The following FANCI variants were observed in gnomAD, a reference collection of about 807,000 sequenced individuals.
FANCI encodes the protein Fanconi anemia group I protein.
In FANCI, 156 loss-of-function variants were observed where a neutral mutation model predicts 176.1. The observed-to-expected ratio is 0.89, with a 90% CI of 0.78 to 1.01. The LOEUF is 1.01. FANCI is among the 50% of genes least tolerant of loss of function. The pLI, the probability that FANCI is intolerant of heterozygous loss-of-function variation, is 0.00. For synonymous variants in FANCI, 613 were observed against 541.7 expected, an observed-to-expected ratio of 1.13 and a Z score of -1.83; for missense variants, 1,678 against 1,534.1, an observed-to-expected ratio of 1.09 and a Z score of -1.57.
chr15:89,247,146 C>T (rs2052024350), intron 1 of FANCI, among the ~76,000 whole-genome samples: 1 of 151,214 alleles, frequency 6.6e-6, no homozygotes, highest in African/African-American at 2.4e-5. Context: ...TCATAGCTCA[C>T]TGCAGCCTCA....
chr15:89,292,198 C>T (rs2054095463), intron 20 of FANCI, among the ~76,000 whole-genome samples: 1 of 152,158 alleles, frequency 6.6e-6, no homozygotes, highest in African/African-American at 2.4e-5. Context: ...AAACTCCCAC[C>T]CCAAGTGACT....
Position 89,247,612 on chromosome 15 carries a change from A to T in FANCI, c.-19-17A>T, listed in dbSNP as rs760225694. ...TTTCTGGAATCTTCACCCACCTCTG[A>T]CGTTTTTCCCTTGTAGTTCTGTGAT... On this transcript the variant is annotated splice_polypyrimidine_tract_variant and intron_variant, in intron 1 of 37. Transcript: ENST00000310775. 20 of 1,564,268 alleles carry T rather than the reference A, an allele frequency of 1.3e-5. No homozygotes were observed. The Admixed American group carries it at 3.0e-4, about 23-fold the overall frequency.
chr15:89,283,238 CAG>C lies in FANCI; in HGVS notation c.1687_1688del (p.Ser563CysfsTer18), dbSNP rs750139111. 6.2e-7 allele frequency: 1 copy of C among 1,613,960 alleles called. No homozygotes were observed. Among genetic ancestry groups the C allele is most frequent in the South Asian group, 1.1e-5 (1 of 91,076 alleles). On this transcript the variant is annotated frameshift_variant, in exon 17 of 38. Coordinates refer to ENST00000310775, the MANE Select transcript of FANCI (RefSeq NM_001113378.2). LOFTEE classifies it high-confidence loss of function. ...CATCCTCTCAGTGCAGTCAGTCTCTCAGTGTCAGTCAGGTAAGGATTATTTAC... is the reference window on the plus strand; with the variant it reads ...CATCCTCTCAGTGCAGTCAGTCTCTCTGTCAGTCAGGTAAGGATTATTTAC... ...LSSSQCSQSL[S>X]VSQVHVDVHS...
chr15:89,247,783 A>T (rs750568462), intron 2 of FANCI, 52 bp downstream of exon 2: 9 of 1,504,328 alleles, frequency 6.0e-6, no homozygotes, highest in Middle Eastern at 1.7e-4. Flanking sequence ...GCATGATGAC[A>T]CATTCAAAGG....
At chr15:89,300,736 A>G (rs2054496958) in intron 26 of FANCI, among the ~76,000 whole-genome samples, 1 of 152,240 alleles carries the variant, frequency 6.6e-6, no homozygotes, top group Non-Finnish European at 1.5e-5. Flanking sequence ...ACACTGGACA[A>G]TAAAGTTTGT....
chr15:89,306,132 G>A lies in FANCI; in HGVS notation c.3475G>A (p.Val1159Met). ...GACAGCTCTGCCATCAGGCAGCTGTGTGGACACCTTGTTAAAGGACTTGTG... is the reference window on the plus strand; with the variant it reads ...GACAGCTCTGCCATCAGGCAGCTGTATGGACACCTTGTTAAAGGACTTGTG... Reference protein sequence around the residue: ...VQTALPSGSCVDTLLKDLCKM... With the variant: ...VQTALPSGSCMDTLLKDLCKM... Residue 1159 changes from valine (V) to methionine (M), a missense_variant, in exon 32 of 38, where the codon GTG becomes ATG. By Grantham distance (21) the Val-to-Met change is conservative. Coordinates refer to ENST00000310775, the MANE Select transcript of FANCI (RefSeq NM_001113378.2). 6.2e-7 allele frequency: 1 copy of A among 1,614,178 alleles called. No individual in the cohort carries two copies. Among genetic ancestry groups the A allele is most frequent in the Non-Finnish European group, 8.5e-7 (1 of 1,180,042 alleles).
chr15:89,314,834 T>TCCCCC (rs1567180820), intron 36 of FANCI, 127 bp downstream of exon 36: 1 of 331,368 alleles, frequency 3.0e-6, no homozygotes, highest in Non-Finnish European at 5.3e-6. Context: ...CCATCCCCCC[T>TCCCCC]CTCCCCCCCC....
rs530709908 is a variant in FANCI, at chr15:89,279,488, A to G, written c.1381+714A>G. Reference sequence around the variant, plus strand: ...TTGCTGTTTTTAATACATAACTCCTAATGTCTAAATTTACTAGCCTTCATC... The same window carrying G: ...TTGCTGTTTTTAATACATAACTCCTGATGTCTAAATTTACTAGCCTTCATC... On this transcript the variant is annotated intron_variant, in intron 14 of 37. Transcript: ENST00000310775. 4.6e-5 allele frequency among the ~76,000 whole-genome samples: 7 copies of G among 152,140 alleles called. No homozygotes were observed. The South Asian group carries it at 1.2e-3, about 27-fold the overall frequency.
intron 10 of FANCI, among the ~76,000 whole-genome samples, chr15:89,271,863 C>T (rs537887733): frequency 6.6e-6 from 1 of 152,298 alleles, no homozygotes; most frequent in South Asian, 2.1e-4. Flanking sequence ...AGCTGGTGGA[C>T]ATTTGAATTG....
chr15:89,301,239 T>C, intron 26 of FANCI, 87 bp from the exon 27 acceptor site: 1 of 864,310 alleles, frequency 1.2e-6, no homozygotes, highest in Non-Finnish European at 2.0e-6. Flanking sequence ...TCTGTCCTAG[T>C]CTTAGGAGTC....
chr15:89,249,883 C>T (rs1156449438), intron 2 of FANCI, among the ~76,000 whole-genome samples: 1 of 152,070 alleles, frequency 6.6e-6, no homozygotes, highest in Non-Finnish European at 1.5e-5. Flanking sequence ...AAAATATATG[C>T]AGAGAACTTT....
chr15:89,246,611 A>G (rs2051984391), intron 1 of FANCI, among the ~76,000 whole-genome samples: 1 of 151,960 alleles, frequency 6.6e-6, no homozygotes, highest in Admixed American at 6.6e-5. Flanking sequence ...CCTTCTCCAT[A>G]ATGTATACAA....
chr15:89,259,233 C>G (rs2052620101), intron 3 of FANCI: 1 of 165,684 alleles, frequency 6.0e-6, no homozygotes, highest in African/African-American at 2.4e-5. Flanking sequence ...TAAATTGTTG[C>G]AGATTGTGAT....
At chr15:89,305,438 T>C (rs1313875420) in intron 30 of FANCI, 29 bp downstream of exon 30, 2 of 1,612,928 alleles carry the variant, frequency 1.2e-6, no homozygotes, top group East Asian at 4.5e-5. Context: ...CCATGGGGAA[T>C]AGCTTTGTCA....
chr15:89,269,706 C>T (rs894344309), intron 10 of FANCI, among the ~76,000 whole-genome samples: 1 of 152,200 alleles, frequency 6.6e-6, no homozygotes, highest in Non-Finnish European at 1.5e-5. Context: ...AGCAAGAAGG[C>T]AGCCATAGAC....
chr15:89,316,843 A>T lies in FANCI; in HGVS notation c.*384A>T, dbSNP rs536522307. The T allele has an allele frequency of 3.8e-6, 6 of 1,598,480 alleles. No individual in the cohort carries two copies. In the South Asian group the frequency reaches 5.5e-5, roughly 15 times the overall value. ...AGCGCTTCACCTGAAAGATAGTGCA[A>T]ATTGGTTAGGATGCCACCTCAAGAA... On this transcript the variant is annotated 3_prime_UTR_variant, in exon 38 of 38. Coordinates refer to ENST00000310775, the MANE Select transcript of FANCI (RefSeq NM_001113378.2).
rs767830108 is a variant in FANCI at position 89,281,282 on chromosome 15, G to C, written c.1494G>C (p.Arg498Ser). The change falls in exon 15 of 38, where the codon AGG becomes AGC. Residue 498 changes from arginine (R) to serine (S), a missense_variant. By Grantham distance (110) the Arg-to-Ser change is moderately radical. Transcript: ENST00000310775. The part of the protein sequence containing the change: ...LSFLPLQTVQ[R>S]LLKAVQPLLK... The stretch of plus-strand genomic sequence containing the variant: ...TTCTGCCCCTTCAGACTGTACAAAG[G>C]CTGCTTAAGGCAGTGCAGGTAAGTC... The C allele has an allele frequency of 1.6e-5, 26 of 1,613,648 alleles. No homozygotes were observed. Among genetic ancestry groups the C allele is most frequent in the Non-Finnish European group, 2.0e-5 (24 of 1,179,776 alleles).
intron 26 of FANCI, 33 bp downstream of exon 26, chr15:89,300,418 T>G: frequency 6.3e-7 from 1 of 1,585,188 alleles, no homozygotes; most frequent in South Asian, 1.1e-5. Flanking sequence ...TGTACTGGCC[T>G]GAGAGGCTTT....
chr15:89,272,985 T>C (rs570115314), intron 10 of FANCI, among the ~76,000 whole-genome samples: 1 of 152,084 alleles, frequency 6.6e-6, no homozygotes, highest in African/African-American at 2.4e-5. Flanking sequence ...TACTGTTAAA[T>C]AGGCTGTTAT....
Sources: gnomAD v4.1 joint callset for allele counts (sites outside exome capture counted in the v4.1 genomes callset) on GRCh38, gnomAD v4.1.1 for gene constraint, MANE v1.5 for transcripts, NCBI Gene and HGNC (gene_info 2026-07-23, HGNC 2026-07-21) for gene names.